The following TBC1D8 variants were observed in gnomAD, a reference collection of about 807,000 sequenced individuals.
The protein encoded by TBC1D8 is TBC1 domain family member 8.
TBC1D8 carries 65 observed loss-of-function variants against 118.8 expected under a neutral mutation model. The observed-to-expected ratio is 0.55, with a 90% CI of 0.45 to 0.67. The LOEUF is 0.67. Among genes scored for constraint, TBC1D8 ranks in the 30% least tolerant of loss-of-function variants. The pLI, the probability that TBC1D8 is intolerant of heterozygous loss-of-function variation, is 0.00. For synonymous variants in TBC1D8, 566 were observed against 595.8 expected (o/e 0.95, Z 0.73); for missense variants, 1,376 against 1,471.2 (o/e 0.94, Z 1.06).
At chr2:101,010,896 A>G in intron 19 of TBC1D8, 33 bp downstream of exon 19, 1 of 1,563,004 alleles carries the variant, frequency 6.4e-7, no homozygotes, top group Non-Finnish European at 8.7e-7. Context: ...AAAAAAAAAA[A>G]AGTTAATTCT....
At chr2:101,023,625 T>G in intron 15 of TBC1D8, 1 of 407,952 alleles carries the variant, frequency 2.5e-6, no homozygotes, top group South Asian at 1.9e-5. Context: ...TTTTTTTAAG[T>G]TTTTTTTTTA....
intron 2 of TBC1D8, among the ~76,000 whole-genome samples, chr2:101,082,674 A>G (rs1221046778): frequency 6.6e-6 from 1 of 152,240 alleles, no homozygotes; most frequent in Non-Finnish European, 1.5e-5. Flanking sequence ...GTGGTCACCA[A>G]AAGACCAACA....
intron 2 of TBC1D8, among the ~76,000 whole-genome samples, chr2:101,086,523 TAA>T (rs993573309): frequency 1.3e-5 from 2 of 148,226 alleles, no homozygotes; most frequent in Non-Finnish European, 3.0e-5. Context: ...ACTTCAATGA[TAA>T]AGACAGAGTT....
At chr2:101,092,366 T>C (rs1419009043) in intron 1 of TBC1D8, among the ~76,000 whole-genome samples, 1 of 152,224 alleles carries the variant, frequency 6.6e-6, no homozygotes, top group Admixed American at 6.5e-5. Context: ...CTTGTCCCAT[T>C]CTTGGTAACG....
chr2:101,016,120 A>G (rs1246746269), intron 17 of TBC1D8, among the ~76,000 whole-genome samples: 2 of 152,202 alleles, frequency 1.3e-5, no homozygotes, highest in Non-Finnish European at 2.9e-5. Flanking sequence ...AGAAACTACC[A>G]TCAGAGTGAA....
rs11696063 is a variant in TBC1D8, at chr2:101,071,136, G to C, written c.284-11597C>G. 2.8e-3 allele frequency among the ~76,000 whole-genome samples: 419 copies of C among 152,062 alleles called. 1 individual carries two copies. Among genetic ancestry groups the C allele is most frequent in the Middle Eastern group, 0.014 (4 of 294 alleles). On this transcript the variant is annotated intron_variant, in intron 2 of 19. Transcript: ENST00000409318. ...GGGCGGATCACGAGGTCAGGAGATGGAGACCATCCTGGCTAATACGGTGAA... is the reference window on the plus strand; with the variant it reads ...GGGCGGATCACGAGGTCAGGAGATGCAGACCATCCTGGCTAATACGGTGAA...
chr2:101,056,255 G>A (rs1682427408), intron 3 of TBC1D8, among the ~76,000 whole-genome samples: 1 of 151,086 alleles, frequency 6.6e-6, no homozygotes, highest in African/African-American at 2.4e-5. Context: ...CCAGGCTGGA[G>A]TGCAGTGGCG....
rs548712272 is a variant in TBC1D8, at chr2:101,009,127, C to T, written c.3016-854G>A. ...GGTTGGGTATGGCCGGGTGCGGTGG[C>T]TCATGCCTGTAATCCCAGCACTTTG... is the stretch of plus-strand genomic sequence containing the variant. On this transcript the variant is annotated intron_variant, in intron 19 of 19. Coordinates refer to ENST00000409318, the MANE Select transcript of TBC1D8 (RefSeq NM_001330348.2). Among the ~76,000 whole-genome samples the T allele has an allele frequency of 1.6e-4, 25 of 152,270 alleles. No homozygotes were observed. The South Asian group carries it at 2.9e-3, about 18-fold the overall frequency.
intron 1 of TBC1D8, among the ~76,000 whole-genome samples, chr2:101,129,409 G>A (rs1427795239): frequency 1.3e-5 from 2 of 152,010 alleles, no homozygotes; most frequent in Non-Finnish European, 2.9e-5. Flanking sequence ...TCCCAGTGTT[G>A]GGATTACAGG....
intron 14 of TBC1D8, among the ~76,000 whole-genome samples, chr2:101,027,836 C>T (rs185194548): frequency 6.6e-6 from 1 of 152,330 alleles, no homozygotes; most frequent in African/African-American, 2.4e-5. Flanking sequence ...CCATTTTACA[C>T]GGGGGAAACA....
At chr2:101,043,405 C>T (rs1357457769) in intron 5 of TBC1D8, among the ~76,000 whole-genome samples, 4 of 152,218 alleles carry the variant, frequency 2.6e-5, no homozygotes, top group Non-Finnish European at 5.9e-5. Flanking sequence ...TTAGCTTTAA[C>T]GAAAGTAAAA....
At chr2:101,110,069 T>G in intron 1 of TBC1D8, 2 of 956,848 alleles carry the variant, frequency 2.1e-6, no homozygotes, top group Non-Finnish European at 2.5e-6. Context: ...ATAACAACTC[T>G]GGCTGAGATA....
intron 1 of TBC1D8, among the ~76,000 whole-genome samples, chr2:101,126,568 G>A (rs1404504401): frequency 6.6e-6 from 1 of 152,168 alleles, no homozygotes; most frequent in Non-Finnish European, 1.5e-5. Flanking sequence ...TTACAAAATG[G>A]GGGTAACCAG....
intron 17 of TBC1D8, among the ~76,000 whole-genome samples, chr2:101,015,315 G>A (rs1679543178): frequency 6.6e-6 from 1 of 152,152 alleles, no homozygotes; most frequent in South Asian, 2.1e-4. Flanking sequence ...AGCTGTTCTG[G>A]GCAAATCAGT....
Position 101,054,120 on chromosome 2 carries a change from G to A in TBC1D8, c.619C>T (p.Leu207=), listed in dbSNP as rs1682235251. 1.2e-6 allele frequency: 2 copies of A among 1,611,678 alleles called. No individual in the cohort carries two copies. The highest frequency in any genetic ancestry group is 1.3e-5 in the African/African-American group (1 of 74,896). ...AGGCCTCACTTACGTTCCTTGCCCA[G>A]GAAGAAGGAGTAGAAGCAGAGGTGG... ...INHLCFYSFF[L]GKELKLVVPW... is the part of the protein sequence containing the mutation. The change falls in exon 4 of 20, where the codon CTG becomes TTG. Residue 207 remains leucine (L), a synonymous_variant. Transcript: ENST00000409318.
rs954256499 is a variant in TBC1D8 at position 101,040,759 on chromosome 2, C to T, written c.873-374G>A. Among the ~76,000 whole-genome samples the T allele has an allele frequency of 6.6e-5, 10 of 152,334 alleles. No homozygotes were observed. The South Asian group carries it at 8.3e-4, about 13-fold the overall frequency. On this transcript the variant is annotated intron_variant, in intron 5 of 19. Transcript: ENST00000409318. ...TGCTGGGATTACAGGCGTGAGCCACCGCGCCCAGCCAAGAAAATACTTTTA... is the reference window on the plus strand; with the variant it reads ...TGCTGGGATTACAGGCGTGAGCCACTGCGCCCAGCCAAGAAAATACTTTTA...
intron 17 of TBC1D8, among the ~76,000 whole-genome samples, chr2:101,012,733 A>G (rs1164441570): frequency 6.6e-6 from 1 of 152,218 alleles, no homozygotes; most frequent in East Asian, 1.9e-4. Flanking sequence ...CGGGGATGAC[A>G]GGGAAGGTTC....
intron 1 of TBC1D8, among the ~76,000 whole-genome samples, chr2:101,111,428 A>G (rs1677576159): frequency 6.6e-6 from 1 of 152,204 alleles, no homozygotes; most frequent in Admixed American, 6.5e-5. Context: ...TGGTGGAACG[A>G]GCCTGCCGAA....
intron 1 of TBC1D8, among the ~76,000 whole-genome samples, chr2:101,146,396 G>A (rs967001757): frequency 5.3e-5 from 8 of 152,162 alleles, no homozygotes; most frequent in Non-Finnish European, 1.0e-4. Flanking sequence ...GGGACTTAAG[G>A]TAACCATGTT....
Sources: allele counts gnomAD v4.1 joint callset (sites outside exome capture counted in the v4.1 genomes callset), GRCh38; gene constraint gnomAD v4.1.1; transcripts MANE v1.5; gene names NCBI Gene and HGNC (gene_info 2026-07-23, HGNC 2026-07-21).